The following LCK variants were observed in gnomAD, a reference collection of about 807,000 sequenced individuals.
The protein encoded by LCK is LCK proto-oncogene, Src family tyrosine kinase.
LCK carries 14 observed loss-of-function variants against 64.6 expected under a neutral mutation model. The observed-to-expected ratio is 0.22, with a 90% CI of 0.14 to 0.34. LCK has a LOEUF of 0.34. LCK is among the 10% of genes least tolerant of loss of function. The pLI is 1.00. For synonymous variants in LCK, 277 were observed against 263.6 expected, an observed-to-expected ratio of 1.05 and a Z score of -0.49; for missense variants, 434 against 668.1, an observed-to-expected ratio of 0.65 and a Z score of 3.86.
chr1:32,256,685 C>T (rs1277379736), intron 1 of LCK, among the ~76,000 whole-genome samples: 5 of 152,140 alleles, frequency 3.3e-5, no homozygotes, highest in African/African-American at 7.2e-5. Flanking sequence ...ATCGTCCTAC[C>T]TCACCCATTA....
chr1:32,271,965 G>A (rs913233735), intron 1 of LCK, among the ~76,000 whole-genome samples: 1 of 152,148 alleles, frequency 6.6e-6, no homozygotes, highest in African/African-American at 2.4e-5. Flanking sequence ...AGACTGGGGT[G>A]AGAGGGAAGC....
chr1:32,274,003 G>A (rs1029277120), intron 1 of LCK: 1 of 402,054 alleles, frequency 2.5e-6, no homozygotes, highest in Non-Finnish European at 4.7e-6. Flanking sequence ...TACTGGCAGA[G>A]GGAGAGGGAG....
chr1:32,275,557 C>T lies in LCK; in HGVS notation c.378-12C>T, dbSNP rs756121108. 6.4e-6 allele frequency: 10 copies of T among 1,563,532 alleles called. No homozygotes were observed. In the East Asian group the frequency reaches 1.9e-4, roughly 30 times the overall value. On this transcript the variant is annotated splice_polypyrimidine_tract_variant and intron_variant, in intron 5 of 12. Transcript: ENST00000336890. This position sits in a 1 kb window ranked among gnomAD's most constrained non-coding sequence, Gnocchi z 6.9. The stretch of plus-strand genomic sequence containing the variant: ...ACAGCCGACGGCCTTCGTTCGCTTC[C>T]GCCCTGCACAGCTGGTTCTTCAAGA...
chr1:32,276,401 G>A lies in LCK; in HGVS notation c.696G>A (p.Pro232=), dbSNP rs11576034. Residue 232 remains proline (P), a synonymous_variant, in exon 8 of 13, where the codon CCG becomes CCA. Coordinates refer to ENST00000336890, the MANE Select transcript of LCK (RefSeq NM_005356.5). The surrounding 1 kb of genome is among the most constrained non-coding windows in gnomAD (Gnocchi z 4.6). ...RPCQTQKPQK[P]WWEDEWEVPR... ...GCCAGACCCAGAAGCCCCAGAAGCC[G>A]TGGTGGGAGGACGAGTGGGAGGTTC... The A allele has an allele frequency of 4.3e-6, 7 of 1,612,204 alleles. No individual in the cohort carries two copies. The highest frequency in any genetic ancestry group is 1.1e-5 in the South Asian group (1 of 90,988).
chr1:32,256,231 G>A lies in LCK; in HGVS notation c.-6+4860G>A, dbSNP rs1295185020. 3.3e-5 allele frequency among the ~76,000 whole-genome samples: 5 copies of A among 151,832 alleles called. No homozygotes were observed. The South Asian group carries it at 6.3e-4, about 19-fold the overall frequency. The stretch of plus-strand genomic sequence containing the variant: ...TCAGCTCACTGCAACCTCTGTCTCC[G>A]GGTTCAAGCAATTCTCCTGCCTCAG... On this transcript the variant is annotated intron_variant, in intron 1 of 12. Coordinates refer to ENST00000336890, the MANE Select transcript of LCK (RefSeq NM_005356.5).
At chr1:32,279,366 A>T (rs906010806) in intron 9 of LCK, among the ~76,000 whole-genome samples, 1 of 152,080 alleles carries the variant, frequency 6.6e-6, no homozygotes, top group Non-Finnish European at 1.5e-5. Context: ...AGAGTGGGGG[A>T]AAGAGAAGAA....
In LCK at chr1:32,276,941, G is replaced by C. The variant is rs1241604218; in HGVS notation, c.964+155G>C. The C allele has an allele frequency of 4.1e-6, 3 of 736,540 alleles. No individual in the cohort carries two copies. The highest frequency in any genetic ancestry group is 2.2e-5 in the South Asian group (1 of 45,182). The allele number at this position is 736,540 out of a possible 1,614,324, so 45.6% of individuals were successfully genotyped here. A position where few individuals can be genotyped will look rare whatever the true frequency, so the allele number is the denominator to read the frequency against. ...TGGAGACTCACCTCCAGCCGGGCGCGGTGGCTCAGGCCTGTAATCCCAGCA... is the reference window on the plus strand; with the variant it reads ...TGGAGACTCACCTCCAGCCGGGCGCCGTGGCTCAGGCCTGTAATCCCAGCA... On this transcript the variant is annotated intron_variant, in intron 9 of 12. Transcript: ENST00000336890. This position sits in a 1 kb window ranked among gnomAD's most constrained non-coding sequence, Gnocchi z 4.6.
rs578188691 is a variant in LCK, at chr1:32,275,228, G to A, written c.279-93G>A. 2.0e-6 allele frequency: 3 copies of A among 1,483,516 alleles called. No individual in the cohort carries two copies. Among genetic ancestry groups the A allele is most frequent in the Non-Finnish European group, 2.8e-6 (3 of 1,064,762 alleles). 91.9% of individuals were successfully genotyped at this position (1,483,516 alleles called of 1,614,324 possible). On this transcript the variant is annotated intron_variant, in intron 4 of 12. Transcript: ENST00000336890. This position sits in a 1 kb window ranked among gnomAD's most constrained non-coding sequence, Gnocchi z 6.9. ...GGCTCAGTATTGCTGAGCCAGGGTT[G>A]GGGGAGGCTGGCTTAAGGGGTGGAG...
chr1:32,266,221 G>A (rs1405533604), intron 1 of LCK, among the ~76,000 whole-genome samples: 4 of 151,742 alleles, frequency 2.6e-5, no homozygotes, highest in Admixed American at 2.6e-4. Context: ...GGCCGGGCAC[G>A]GTGGCTCACG....
intron 1 of LCK, among the ~76,000 whole-genome samples, chr1:32,262,435 T>G (rs1639800573): frequency 6.7e-6 from 1 of 149,968 alleles, no homozygotes; most frequent in Admixed American, 6.6e-5. Flanking sequence ...TTTCTTTTTT[T>G]TTTTTTTGAT....
At position 32,275,295 on chromosome 1, in the gene LCK, C is replaced by G; in HGVS notation, c.279-26C>G. The G allele has an allele frequency of 6.2e-7, 1 of 1,611,822 alleles. No individual in the cohort carries two copies. The highest frequency in any genetic ancestry group is 8.5e-7 in the Non-Finnish European group (1 of 1,177,948). Reference sequence around the variant, plus strand: ...GTCTCAGGTCGACGGCTGAGCGAGCCACACTGACCCACCTCCGTGGCGCAG... The same window carrying G: ...GTCTCAGGTCGACGGCTGAGCGAGCGACACTGACCCACCTCCGTGGCGCAG... On this transcript the variant is annotated intron_variant, in intron 4 of 12. Coordinates refer to ENST00000336890, the MANE Select transcript of LCK (RefSeq NM_005356.5). This position sits in a 1 kb window ranked among gnomAD's most constrained non-coding sequence, Gnocchi z 6.9.
intron 12 of LCK, among the ~76,000 whole-genome samples, chr1:32,281,292 C>CA (rs991446557): frequency 1.2e-4 from 17 of 142,848 alleles, no homozygotes; most frequent in Middle Eastern, 3.6e-3. Context: ...AACAAACAAA[C>CA]AAAAAAAACA....
chr1:32,271,371 T>C (rs1285276803), intron 1 of LCK, among the ~76,000 whole-genome samples: 1 of 152,136 alleles, frequency 6.6e-6, no homozygotes, highest in Non-Finnish European at 1.5e-5. Flanking sequence ...GGGCCTCAGT[T>C]TGCTCATCTA....
Position 32,275,533 on chromosome 1 carries a change from C to G in LCK, c.378-36C>G. The G allele has an allele frequency of 6.4e-7, 1 of 1,550,584 alleles. No homozygotes were observed. Among genetic ancestry groups the G allele is most frequent in the Non-Finnish European group, 8.8e-7 (1 of 1,141,106 alleles). ...AGGGCCACGGAGGAAGATCCGACGA[C>G]AGCCGACGGCCTTCGTTCGCTTCCG... On this transcript the variant is annotated intron_variant, in intron 5 of 12. Transcript: ENST00000336890. This position sits in a 1 kb window ranked among gnomAD's most constrained non-coding sequence, Gnocchi z 6.9.
Position 32,260,928 on chromosome 1 carries a change from C to T in LCK, c.-6+9557C>T, listed in dbSNP as rs191557441. Among the ~76,000 whole-genome samples, 463 of 152,302 alleles carry T rather than the reference C, an allele frequency of 3.0e-3. 5 individuals carry two copies. The highest frequency in any genetic ancestry group is 2.7e-3 in the Non-Finnish European group (182 of 68,026). The stretch of plus-strand genomic sequence containing the variant: ...TGAGCCATTGCATCCGACCACCTGC[C>T]TGTTCTTGATGTAAAGCATTGGCCC... On this transcript the variant is annotated intron_variant, in intron 1 of 12. Coordinates refer to ENST00000336890, the MANE Select transcript of LCK (RefSeq NM_005356.5).
intron 1 of LCK, among the ~76,000 whole-genome samples, chr1:32,271,755 T>A (rs1004914063): frequency 6.6e-6 from 1 of 152,236 alleles, no homozygotes; most frequent in Non-Finnish European, 1.5e-5. Flanking sequence ...TAACACTGCA[T>A]GTTCCAGTTG....
Position 32,275,267 on chromosome 1 carries a change from AG to A in LCK, c.279-51del, listed in dbSNP as rs1233184791. 6 of 1,575,514 alleles carry A rather than the reference AG, an allele frequency of 3.8e-6. No homozygotes were observed. Among genetic ancestry groups the A allele is most frequent in the Non-Finnish European group, 5.2e-6 (6 of 1,145,758 alleles). The stretch of plus-strand genomic sequence containing the variant: ...TAAGGGGTGGAGGGGTCTTTGAGGG[AG>A]GGTCTCAGGTCGACGGCTGAGCGAG... On this transcript the variant is annotated intron_variant, in intron 4 of 12. Transcript: ENST00000336890. This position sits in a 1 kb window ranked among gnomAD's most constrained non-coding sequence, Gnocchi z 6.9.
intron 1 of LCK, among the ~76,000 whole-genome samples, chr1:32,257,384 G>A (rs1047668417): frequency 2.0e-5 from 3 of 151,912 alleles, no homozygotes; most frequent in Non-Finnish European, 4.4e-5. Flanking sequence ...CAAGTAGCTG[G>A]GACCACAAGC....
At chr1:32,277,655 A>G (rs1031329950) in intron 9 of LCK, among the ~76,000 whole-genome samples, 2 of 152,160 alleles carry the variant, frequency 1.3e-5, no homozygotes, top group Non-Finnish European at 2.9e-5. Flanking sequence ...CAGTTTCCCC[A>G]AGTATAACAG....
Sources: gnomAD v4.1 joint callset for allele counts (sites outside exome capture counted in the v4.1 genomes callset) on GRCh38, gnomAD v4.1.1 for gene constraint, Gnocchi (gnomAD v3.1) non-coding constraint, MANE v1.5 for transcripts, NCBI Gene and HGNC (gene_info 2026-07-23, HGNC 2026-07-21) for gene names.